REDIC1: variants seen among roughly 807,000 people sequenced by gnomAD.
REDIC1 encodes the protein regulator of DNA class I crossover intermediates 1.
chr12:39,688,685 T>A, the REDIC1 span, among the ~76,000 whole-genome samples: 1 of 152,136 alleles, frequency 6.6e-6, no homozygotes, highest in Non-Finnish European at 1.5e-5. Flanking sequence ...GAGGAGGGAT[T>A]TGATAAGTGG....
the REDIC1 span, among the ~76,000 whole-genome samples, chr12:39,798,555 G>A: frequency 3.9e-5 from 6 of 152,152 alleles, no homozygotes; most frequent in East Asian, 1.9e-4. Flanking sequence ...GCATAAGAGC[G>A]CTTCAACTGT....
the REDIC1 span, among the ~76,000 whole-genome samples, chr12:39,868,542 T>C: frequency 6.6e-6 from 1 of 152,174 alleles, no homozygotes; most frequent in Non-Finnish European, 1.5e-5. Context: ...TAGATCTGGG[T>C]TAAGGCCCAA....
chr12:39,647,996 T>C, the REDIC1 span: 1 of 1,384,152 alleles, frequency 7.2e-7, no homozygotes. Flanking sequence ...GAATCATTAG[T>C]TCTTAGCATT....
At chr12:39,763,419 T>C in the REDIC1 span, among the ~76,000 whole-genome samples, 1 of 152,058 alleles carries the variant, frequency 6.6e-6, no homozygotes, top group African/African-American at 2.4e-5. Context: ...ATCTGCAAAA[T>C]TTATCCATGT....
the REDIC1 span, among the ~76,000 whole-genome samples, chr12:39,789,428 TCA>T: frequency 6.6e-6 from 1 of 152,184 alleles, no homozygotes; most frequent in African/African-American, 2.4e-5. Flanking sequence ...TGAAAATACA[TCA>T]GTTTATCCCT....
chr12:39,819,326 C>T, the REDIC1 span, among the ~76,000 whole-genome samples: 3 of 152,052 alleles, frequency 2.0e-5, no homozygotes, highest in Non-Finnish European at 4.4e-5. Context: ...GAAAGTTAAA[C>T]TAAGTCACAG....
At chr12:39,713,002 T>TAC in the REDIC1 span, among the ~76,000 whole-genome samples, 3 of 141,028 alleles carry the variant, frequency 2.1e-5, no homozygotes, top group Non-Finnish European at 4.6e-5. Context: ...TACGTGTATA[T>TAC]GTATATATAC....
the REDIC1 span, among the ~76,000 whole-genome samples, chr12:39,740,981 T>TTC: frequency 6.6e-6 from 1 of 152,188 alleles, no homozygotes. Flanking sequence ...ATTATTATTT[T>TTC]TTTGAGATGG....
chr12:39,626,618 C>T, the REDIC1 span, among the ~76,000 whole-genome samples: 1 of 152,124 alleles, frequency 6.6e-6, no homozygotes, highest in South Asian at 2.1e-4. Context: ...CCTGCTGCCC[C>T]TCCTCCCCTT....
the REDIC1 span, among the ~76,000 whole-genome samples, chr12:39,653,492 G>GTCGTCTTCT: frequency 1.8e-5 from 1 of 54,288 alleles, no homozygotes; most frequent in African/African-American, 5.6e-5. Flanking sequence ...CAATCTGGAT[G>GTCGTCTTCT]TCTTCTTCTT....
At chr12:39,831,549 A>G in the REDIC1 span, among the ~76,000 whole-genome samples, 10 of 152,198 alleles carry the variant, frequency 6.6e-5, no homozygotes, top group African/African-American at 2.2e-4. Flanking sequence ...TCATGTAACT[A>G]AATATGAAAG....
chr12:39,665,297 C>G, the REDIC1 span, among the ~76,000 whole-genome samples: 2 of 152,160 alleles, frequency 1.3e-5, no homozygotes, highest in Non-Finnish European at 2.9e-5. Flanking sequence ...ATATGGCTAG[C>G]CAGTTTTCCC....
chr12:39,779,393 C>T, the REDIC1 span, among the ~76,000 whole-genome samples: 1 of 152,118 alleles, frequency 6.6e-6, no homozygotes, highest in South Asian at 2.1e-4. Flanking sequence ...TGCCTGAATT[C>T]TTCTATTTCC....
the REDIC1 span, among the ~76,000 whole-genome samples, chr12:39,712,648 T>C: frequency 2.2e-4 from 32 of 145,466 alleles, no homozygotes; most frequent in Admixed American, 4.8e-4. Context: ...CATTTATATT[T>C]ATGTATATAT....
the REDIC1 span, among the ~76,000 whole-genome samples, chr12:39,669,012 C>T: frequency 6.6e-6 from 1 of 152,174 alleles, no homozygotes; most frequent in Admixed American, 6.5e-5. Flanking sequence ...CCTCCTTTAG[C>T]TTGGAGTAGT....
chr12:39,816,091 A>T, the REDIC1 span, among the ~76,000 whole-genome samples: 2 of 152,210 alleles, frequency 1.3e-5, no homozygotes, highest in African/African-American at 4.8e-5. Flanking sequence ...TTCTGGGCTG[A>T]TAGTGAGCTG....
At chr12:39,848,299 C>T in the REDIC1 span, among the ~76,000 whole-genome samples, 2 of 151,978 alleles carry the variant, frequency 1.3e-5, no homozygotes, top group Non-Finnish European at 2.9e-5. Flanking sequence ...GTCTAATATC[C>T]AGCATTTATA....
At chr12:39,871,458 A>G in the REDIC1 span, among the ~76,000 whole-genome samples, 1 of 149,598 alleles carries the variant, frequency 6.7e-6, no homozygotes, top group Non-Finnish European at 1.5e-5. Flanking sequence ...TCTGAATCCA[A>G]AGTTTTTAGT....
At chr12:39,683,428 T>A in the REDIC1 span, 6 of 1,597,978 alleles carry the variant, frequency 3.8e-6, no homozygotes, top group Middle Eastern at 1.7e-4. Flanking sequence ...AATTTGAAAA[T>A]GATTACCAAG....
Sources: gnomAD v4.1 joint callset for allele counts (sites outside exome capture counted in the v4.1 genomes callset) on GRCh38, gnomAD v4.1.1 for gene constraint, MANE v1.5 for transcripts, NCBI Gene and HGNC (gene_info 2026-07-23, HGNC 2026-07-21) for gene names.